Variants in DTNBP1 observed in about 807,000 individuals in gnomAD.
The protein encoded by DTNBP1 is dysbindin.
DTNBP1 carries 35 observed loss-of-function variants against 42.8 expected under a neutral mutation model. The ratio of observed to expected loss-of-function variants is 0.82; its 90% CI spans 0.63 to 1.09. The LOEUF is 1.09. Among genes scored for constraint, DTNBP1 ranks in the 50% least tolerant of loss-of-function variants. The probability of loss-of-function intolerance (pLI) is 0.00; values close to 1 mark genes in which losing one functional copy is unlikely to be tolerated. For synonymous variants in DTNBP1, 171 were observed against 162.2 expected, an observed-to-expected ratio of 1.05 and a Z score of -0.41; for missense variants, 457 against 424.2, an observed-to-expected ratio of 1.08 and a Z score of -0.68.
At chr6:15,648,619 A>G (rs77349725) in intron 3 of DTNBP1, among the ~76,000 whole-genome samples, 1 of 152,084 alleles carries the variant, frequency 6.6e-6, no homozygotes, top group Non-Finnish European at 1.5e-5. Context: ...ATTCAAAAAA[A>G]GCAATTAAGA....
chr6:15,576,425 T>C (rs1775575084), intron 7 of DTNBP1, among the ~76,000 whole-genome samples: 1 of 151,472 alleles, frequency 6.6e-6, no homozygotes, highest in South Asian at 2.1e-4. Context: ...GCCCGGCCTA[T>C]GGTTGCAATT....
At chr6:15,644,929 GAGC>G (rs1760585533) in intron 3 of DTNBP1, among the ~76,000 whole-genome samples, 2 of 151,694 alleles carry the variant, frequency 1.3e-5, no homozygotes, top group Non-Finnish European at 2.9e-5. Flanking sequence ...ATTATGATCA[GAGC>G]AGAACTAAAT....
chr6:15,616,316 A>G (rs911497766), intron 5 of DTNBP1, among the ~76,000 whole-genome samples: 1 of 152,244 alleles, frequency 6.6e-6, no homozygotes, highest in African/African-American at 2.4e-5. Flanking sequence ...CTAGTTATCT[A>G]TTATTCACTG....
intron 5 of DTNBP1, among the ~76,000 whole-genome samples, chr6:15,621,286 C>G (rs780927202): frequency 2.0e-5 from 3 of 152,180 alleles, no homozygotes; most frequent in Non-Finnish European, 4.4e-5. Flanking sequence ...CCTCTTTAAT[C>G]TTTATCTGGA....
chr6:15,580,921 A>G (rs1223172968), intron 7 of DTNBP1, among the ~76,000 whole-genome samples: 1 of 152,206 alleles, frequency 6.6e-6, no homozygotes, highest in Non-Finnish European at 1.5e-5. Flanking sequence ...GAAAACTAGC[A>G]TGGGTCTAGA....
intron 6 of DTNBP1, among the ~76,000 whole-genome samples, chr6:15,598,739 T>C (rs934541729): frequency 6.6e-5 from 10 of 152,156 alleles, no homozygotes; most frequent in African/African-American, 2.4e-4. Context: ...TCCTTCCAGC[T>C]TGAGATGAAT....
At chr6:15,658,838 T>C (rs1761428265) in intron 1 of DTNBP1, among the ~76,000 whole-genome samples, 1 of 152,196 alleles carries the variant, frequency 6.6e-6, no homozygotes, top group Non-Finnish European at 1.5e-5. Context: ...TAAATCAAAT[T>C]ACAACTCACT....
intron 7 of DTNBP1, among the ~76,000 whole-genome samples, chr6:15,557,555 A>G (rs1277865440): frequency 6.6e-6 from 1 of 152,214 alleles, no homozygotes; most frequent in Non-Finnish European, 1.5e-5. Flanking sequence ...TTAAGACTGG[A>G]CAAATTTATC....
intron 8 of DTNBP1, among the ~76,000 whole-genome samples, chr6:15,532,311 C>T (rs1193138970): frequency 1.3e-5 from 2 of 152,190 alleles, no homozygotes; most frequent in Admixed American, 6.5e-5. Context: ...AGAAGGAGTT[C>T]GGTGTCTGGA....
At chr6:15,633,910 C>T (rs936915875) in intron 4 of DTNBP1, among the ~76,000 whole-genome samples, 2 of 152,202 alleles carry the variant, frequency 1.3e-5, no homozygotes, top group East Asian at 1.9e-4. Context: ...TATTACATTG[C>T]TTTTTTAGAC....
chr6:15,642,377 A>C (rs1760420715), intron 3 of DTNBP1, among the ~76,000 whole-genome samples: 1 of 151,954 alleles, frequency 6.6e-6, no homozygotes, highest in African/African-American at 2.4e-5. Context: ...GGGTGTACCC[A>C]CCCACCTTCT....
At chr6:15,578,199 C>T (rs561669175) in intron 7 of DTNBP1, among the ~76,000 whole-genome samples, 2 of 152,254 alleles carry the variant, frequency 1.3e-5, no homozygotes, top group East Asian at 1.9e-4. Context: ...CAGAGTAAGC[C>T]GACGCTGGGA....
chr6:15,654,728 C>T (rs1349502550), intron 1 of DTNBP1, among the ~76,000 whole-genome samples: 2 of 152,078 alleles, frequency 1.3e-5, no homozygotes, highest in Admixed American at 1.3e-4. Flanking sequence ...AAAGATTCCC[C>T]ATGTGGCTCT....
At position 15,524,572 on chromosome 6, in the gene DTNBP1, G is replaced by A. The variant is rs1241977496; in HGVS notation, c.765C>T (p.Phe255=). ...TGTTCTCTTCTCCTCCAGAGTTCAG[G>A]AAGACGTCCAGGGCCTCCTGGTCCG... is the stretch of plus-strand genomic sequence containing the variant. ...DISDQEALDV[F]LNSGGEENTV... The change falls in exon 9 of 10, where the codon TTC becomes TTT. Residue 255 remains phenylalanine (F), a synonymous_variant. Coordinates refer to ENST00000344537, the MANE Select transcript of DTNBP1 (RefSeq NM_032122.5). 1.2e-6 allele frequency: 2 copies of A among 1,611,958 alleles called. No homozygotes were observed. Among genetic ancestry groups the A allele is most frequent in the Non-Finnish European group, 1.7e-6 (2 of 1,178,856 alleles).
rs201398047 is a variant in DTNBP1 at position 15,524,577 on chromosome 6, C to T, written c.760G>A (p.Val254Ile). Reference sequence around the variant, plus strand: ...TCTTCTCCTCCAGAGTTCAGGAAGACGTCCAGGGCCTCCTGGTCCGATATG... The same window carrying T: ...TCTTCTCCTCCAGAGTTCAGGAAGATGTCCAGGGCCTCCTGGTCCGATATG... ...MDISDQEALD[V>I]FLNSGGEENT... Residue 254 changes from valine (V) to isoleucine (I), a missense_variant, in exon 9 of 10, where the codon GTC becomes ATC. Coordinates refer to ENST00000344537, the MANE Select transcript of DTNBP1 (RefSeq NM_032122.5). The T allele has an allele frequency of 6.8e-6, 11 of 1,611,866 alleles. No homozygotes were observed. The East Asian group carries it at 1.1e-4, about 16-fold the overall frequency.
At chr6:15,594,496 A>G (rs1377473942) in intron 6 of DTNBP1, among the ~76,000 whole-genome samples, 1 of 152,014 alleles carries the variant, frequency 6.6e-6, no homozygotes, top group Non-Finnish European at 1.5e-5. Flanking sequence ...AAACAAAAAA[A>G]CAAAAACAAA....
At chr6:15,523,975 C>T (rs1160486423) in intron 9 of DTNBP1, 2 of 1,287,542 alleles carry the variant, frequency 1.6e-6, no homozygotes, top group Admixed American at 2.3e-5. Flanking sequence ...TGAAACGCAC[C>T]AAGCCCAGGT....
At chr6:15,531,814 A>C (rs548503286) in intron 8 of DTNBP1, among the ~76,000 whole-genome samples, 1 of 152,224 alleles carries the variant, frequency 6.6e-6, no homozygotes, top group South Asian at 2.1e-4. Context: ...TTGTATTTTC[A>C]GTAGAGACGA....
At chr6:15,572,198 T>C (rs1322360211) in intron 7 of DTNBP1, among the ~76,000 whole-genome samples, 1 of 152,160 alleles carries the variant, frequency 6.6e-6, no homozygotes, top group African/African-American at 2.4e-5. Context: ...AAAAAACATA[T>C]TGTTCCCATT....
Sources: gnomAD v4.1 joint callset for allele counts (sites outside exome capture counted in the v4.1 genomes callset) on GRCh38, gnomAD v4.1.1 for gene constraint, MANE v1.5 for transcripts, NCBI Gene and HGNC (gene_info 2026-07-23, HGNC 2026-07-21) for gene names.